The following PCCA variants were observed in gnomAD, a reference collection of about 807,000 sequenced individuals.
PCCA encodes the protein propionyl-CoA carboxylase subunit alpha, also known as propionyl-CoA carboxylase alpha chain, mitochondrial.
PCCA carries 74 observed loss-of-function variants against 101.3 expected under a neutral mutation model. That is an observed-to-expected ratio of 0.73 (90% CI 0.61 to 0.89). PCCA has a LOEUF of 0.89. Ranked by LOEUF, PCCA falls within the 40% of genes least tolerant of loss-of-function variation. The pLI is 0.00. For synonymous variants in PCCA, 294 were observed against 313.6 expected, an observed-to-expected ratio of 0.94 and a Z score of 0.66; for missense variants, 891 against 907.0, an observed-to-expected ratio of 0.98 and a Z score of 0.23.
intron 12 of PCCA, among the ~76,000 whole-genome samples, chr13:100,274,847 G>A (rs1011999403): frequency 6.6e-6 from 1 of 152,000 alleles, no homozygotes; most frequent in Admixed American, 6.5e-5. Context: ...ATTTTGACAC[G>A]ACACTCTTCA....
intron 1 of PCCA, among the ~76,000 whole-genome samples, chr13:100,097,652 G>C (rs1239060237): frequency 1.3e-5 from 2 of 152,214 alleles, no homozygotes; most frequent in African/African-American, 4.8e-5. Context: ...CTGGGAGGCA[G>C]AGGTTGCAGT....
intron 12 of PCCA, among the ~76,000 whole-genome samples, chr13:100,298,388 C>T (rs117104442): frequency 0.027 from 4,052 of 152,074 alleles, 80 homozygotes; most frequent in Middle Eastern, 0.058. Flanking sequence ...GAGATTAACC[C>T]GGTGTTTCCC....
intron 19 of PCCA, among the ~76,000 whole-genome samples, chr13:100,412,208 G>A (rs537520528): frequency 6.6e-6 from 1 of 152,276 alleles, no homozygotes; most frequent in South Asian, 2.1e-4. Context: ...ACAACATCAG[G>A]AAGTTACTAT....
At chr13:100,354,074 AAATAATAATAATAATAATAAT>A (rs35218503) in intron 18 of PCCA, among the ~76,000 whole-genome samples, 9 of 129,142 alleles carry the variant, frequency 7.0e-5, no homozygotes, top group South Asian at 2.6e-4. Flanking sequence ...CCATCTCTAC[AAATAATAATAATAATAATAAT>A]AATAATAATA....
chr13:100,400,397 G>A (rs897989002), intron 19 of PCCA, among the ~76,000 whole-genome samples: 1 of 152,050 alleles, frequency 6.6e-6, no homozygotes, highest in African/African-American at 2.4e-5. Flanking sequence ...CTGACAAGCT[G>A]TTCTGTGCGC....
intron 21 of PCCA, among the ~76,000 whole-genome samples, chr13:100,507,715 G>A (rs918937325): frequency 1.2e-4 from 19 of 152,228 alleles, no homozygotes; most frequent in African/African-American, 4.6e-4. Flanking sequence ...GGAGTGCAGT[G>A]GCGCGATCTC....
At chr13:100,507,308 G>A (rs1326768182) in intron 21 of PCCA, among the ~76,000 whole-genome samples, 5 of 152,196 alleles carry the variant, frequency 3.3e-5, no homozygotes, top group Non-Finnish European at 7.3e-5. Context: ...ACAGCTTGGG[G>A]GCACTTGGGC....
In PCCA at chr13:100,449,317, A is replaced by G. The variant is rs1008090302; in HGVS notation, c.1899+12A>G. The G allele has an allele frequency of 2.8e-6, 4 of 1,449,354 alleles. No homozygotes were observed. Among genetic ancestry groups the G allele is most frequent in the African/African-American group, 1.4e-5 (1 of 71,092 alleles). The allele number at this position is 1,449,354 out of a possible 1,614,324, so 89.8% of individuals were successfully genotyped here. A position where few individuals can be genotyped will look rare whatever the true frequency, so the allele number is the denominator to read the frequency against. On this transcript the variant is annotated intron_variant, in intron 21 of 23. Transcript: ENST00000376285. Reference sequence around the variant, plus strand: ...TTCTTGGTACAGTGGTAAGTATGAAATCATTCTTTATTCTCTTAATTTACA... The same window carrying G: ...TTCTTGGTACAGTGGTAAGTATGAAGTCATTCTTTATTCTCTTAATTTACA...
chr13:100,418,287 A>C (rs1458764193), intron 19 of PCCA, among the ~76,000 whole-genome samples: 1 of 152,202 alleles, frequency 6.6e-6, no homozygotes, highest in African/African-American at 2.4e-5. Flanking sequence ...CCAAGGGCAC[A>C]GTTAACATGC....
chr13:100,242,164 A>G (rs1320252149), intron 8 of PCCA, among the ~76,000 whole-genome samples: 1 of 152,210 alleles, frequency 6.6e-6, no homozygotes, highest in South Asian at 2.1e-4. Flanking sequence ...TATGCTGTCT[A>G]TAAGAAACTC....
chr13:100,380,564 C>A (rs1176424920), intron 19 of PCCA, among the ~76,000 whole-genome samples: 2 of 152,144 alleles, frequency 1.3e-5, no homozygotes, highest in Non-Finnish European at 2.9e-5. Flanking sequence ...GACAAAGGTG[C>A]CAAAATAATT....
At chr13:100,298,684 T>G (rs185449567) in intron 12 of PCCA, among the ~76,000 whole-genome samples, 480 of 7,818 alleles carry the variant, frequency 0.061, 87 homozygotes, top group African/African-American at 0.1. Context: ...CCTTCCTTCC[T>G]TCCTTCCTTC....
chr13:100,316,029 T>C (rs2067315704), intron 16 of PCCA, among the ~76,000 whole-genome samples: 2 of 152,206 alleles, frequency 1.3e-5, no homozygotes, highest in Admixed American at 1.3e-4. Context: ...TCTTCCCATC[T>C]AGCTGATCTT....
intron 1 of PCCA, among the ~76,000 whole-genome samples, chr13:100,098,965 C>G (rs941686320): frequency 2.0e-5 from 3 of 152,026 alleles, no homozygotes; most frequent in Non-Finnish European, 2.9e-5. Flanking sequence ...GATGAAATAC[C>G]GTGTCATAAT....
At chr13:100,445,774 A>G (rs1039987925) in intron 20 of PCCA, among the ~76,000 whole-genome samples, 1 of 97,794 alleles carries the variant, frequency 1.0e-5, no homozygotes, top group African/African-American at 7.6e-5. Flanking sequence ...ATAATATTCC[A>G]TTTTGCATAT....
At chr13:100,371,717 G>C (rs962445366) in intron 19 of PCCA, among the ~76,000 whole-genome samples, 1 of 152,126 alleles carries the variant, frequency 6.6e-6, no homozygotes, top group African/African-American at 2.4e-5. Context: ...ATTTCAAGGG[G>C]GTCCCAAATA....
At chr13:100,254,656 C>T (rs1233080008) in intron 8 of PCCA, among the ~76,000 whole-genome samples, 1 of 152,170 alleles carries the variant, frequency 6.6e-6, no homozygotes, top group African/African-American at 2.4e-5. Flanking sequence ...CCCTCCTCTT[C>T]AGATTTCTAA....
intron 16 of PCCA, among the ~76,000 whole-genome samples, chr13:100,330,105 GA>G (rs2069324766): frequency 6.6e-6 from 1 of 152,212 alleles, no homozygotes; most frequent in South Asian, 2.1e-4. Flanking sequence ...TTTTTGCGGG[GA>G]AAACACTTCC....
At chr13:100,152,440 A>G (rs988251228) in intron 4 of PCCA, among the ~76,000 whole-genome samples, 1 of 146,770 alleles carries the variant, frequency 6.8e-6, no homozygotes, top group Admixed American at 6.8e-5. Flanking sequence ...TGATAGGTTT[A>G]TTTTATTTAT....
Sources: allele counts gnomAD v4.1 joint callset (sites outside exome capture counted in the v4.1 genomes callset), GRCh38; gene constraint gnomAD v4.1.1; transcripts MANE v1.5; gene names NCBI Gene and HGNC (gene_info 2026-07-23, HGNC 2026-07-21).